SCTR: variants seen among roughly 807,000 people sequenced by gnomAD.
SCTR encodes secretin receptor.
Under a neutral mutation model 60.8 loss-of-function variants are expected in SCTR, and 56 were observed. The observed-to-expected ratio is 0.92, with a 90% CI of 0.74 to 1.15. SCTR has a LOEUF of 1.15. Among genes scored for constraint, SCTR ranks in the 50% most tolerant of loss-of-function variants. SCTR has a pLI of 0.00. For missense variants in SCTR, 562 were observed against 550.4 expected (o/e 1.02, Z -0.21); for synonymous variants, 202 against 217.0 (o/e 0.93, Z 0.61).
At chr2:119,520,184 A>T (rs1679246510) in intron 1 of SCTR, among the ~76,000 whole-genome samples, 1 of 152,114 alleles carries the variant, frequency 6.6e-6, no homozygotes, top group African/African-American at 2.4e-5. Flanking sequence ...ATCCCCAGTG[A>T]CCCTCTCTGA....
intron 2 of SCTR, 187 bp from the exon 3 acceptor site, chr2:119,479,105 T>C (rs1400003829): frequency 9.8e-6 from 14 of 1,421,988 alleles, no homozygotes; most frequent in African/African-American, 1.4e-5. Context: ...GACTCTGCCA[T>C]GTACACGGTA....
Position 119,441,567 on chromosome 2 carries a change from G to A in SCTR, c.1173C>T (p.Leu391=). The change falls in exon 12 of 13, where the codon CTC becomes CTT. Residue 391 remains leucine (L), a synonymous_variant. Transcript: ENST00000019103. ...GLVVAVLYCF[L]NGEVQLEVQK... is the part of the protein sequence containing the mutation. ...ACCCAAGACTACTCACCTCCCCATT[G>A]AGGAAGCAGTAGAGGACGGCCACCA... 6.2e-7 allele frequency: 1 copy of A among 1,612,890 alleles called. No homozygotes were observed.
At chr2:119,483,836 G>C (rs1440910392) in intron 2 of SCTR, among the ~76,000 whole-genome samples, 1 of 152,056 alleles carries the variant, frequency 6.6e-6, no homozygotes, top group African/African-American at 2.4e-5. Flanking sequence ...ATGTGGCTTG[G>C]GGGAGCTGGA....
intron 1 of SCTR, among the ~76,000 whole-genome samples, chr2:119,517,000 C>A (rs13413179): frequency 0.054 from 8,231 of 152,100 alleles, 344 homozygotes; most frequent in African/African-American, 0.1. Flanking sequence ...AACACTGTAT[C>A]GTACACTGGA....
chr2:119,465,943 G>T, intron 4 of SCTR, 57 bp from the exon 5 acceptor site: 1 of 1,236,748 alleles, frequency 8.1e-7, no homozygotes, highest in Non-Finnish European at 1.2e-6. Flanking sequence ...TCTGCCTTCT[G>T]TGCCTCACTG....
intron 1 of SCTR, among the ~76,000 whole-genome samples, chr2:119,517,054 C>A (rs1679137970): frequency 6.6e-6 from 1 of 152,120 alleles, no homozygotes; most frequent in Non-Finnish European, 1.5e-5. Flanking sequence ...ACCACACACA[C>A]ACACACATGC....
At chr2:119,501,478 G>C (rs190721599) in intron 1 of SCTR, among the ~76,000 whole-genome samples, 4 of 152,066 alleles carry the variant, frequency 2.6e-5, no homozygotes, top group Admixed American at 1.3e-4. Context: ...TGGGAAGGGT[G>C]GGGGAGGAAA....
At chr2:119,459,421 T>TA (rs201639502) in intron 7 of SCTR, among the ~76,000 whole-genome samples, 3 of 151,916 alleles carry the variant, frequency 2.0e-5, no homozygotes, top group African/African-American at 7.3e-5. Context: ...TTTTTCTACT[T>TA]AAAAAAATTT....
At chr2:119,503,642 G>A (rs1678632852) in intron 1 of SCTR, among the ~76,000 whole-genome samples, 1 of 152,098 alleles carries the variant, frequency 6.6e-6, no homozygotes, top group Non-Finnish European at 1.5e-5. Context: ...GAGGGAGAGT[G>A]GGCTAAGTTG....
At chr2:119,474,533 G>C (rs1049746117) in intron 3 of SCTR, among the ~76,000 whole-genome samples, 1 of 152,210 alleles carries the variant, frequency 6.6e-6, no homozygotes, top group Non-Finnish European at 1.5e-5. Context: ...AGTGTTGCAG[G>C]GGGCAGGATG....
rs569797852 is a variant in SCTR, at chr2:119,484,165, T to C, written c.194-5247A>G. Reference sequence around the variant, plus strand: ...ATAGGGGATGGGGGAGCTTTGTCAATAGGGCCACACTTACTGAGCCACGAG... The same window carrying C: ...ATAGGGGATGGGGGAGCTTTGTCAACAGGGCCACACTTACTGAGCCACGAG... On this transcript the variant is annotated intron_variant, in intron 2 of 12. Coordinates refer to ENST00000019103, the MANE Select transcript of SCTR (RefSeq NM_002980.3). 2.6e-5 allele frequency among the ~76,000 whole-genome samples: 4 copies of C among 152,054 alleles called. No individual in the cohort carries two copies. In the East Asian group the frequency reaches 7.7e-4, roughly 29 times the overall value.
chr2:119,442,977 G>T (rs181589683), intron 11 of SCTR, among the ~76,000 whole-genome samples: 1 of 152,268 alleles, frequency 6.6e-6, no homozygotes, highest in East Asian at 1.9e-4. Flanking sequence ...TCGGAGGCAG[G>T]TGGGAGGATC....
chr2:119,498,520 T>C (rs1678427981), intron 1 of SCTR, among the ~76,000 whole-genome samples: 2 of 152,102 alleles, frequency 1.3e-5, no homozygotes, highest in African/African-American at 4.8e-5. Flanking sequence ...AAGCAAAAAT[T>C]ACAACACTGT....
In SCTR at chr2:119,513,849, G is replaced by T. The variant is rs145025348; in HGVS notation, c.72+10306C>A. Among the ~76,000 whole-genome samples, 70 of 152,218 alleles carry T rather than the reference G, an allele frequency of 4.6e-4. 1 individual carries two copies. Among genetic ancestry groups the T allele is most frequent in the African/African-American group, 1.6e-3 (68 of 41,552 alleles). On this transcript the variant is annotated intron_variant, in intron 1 of 12. Transcript: ENST00000019103. ...AACTGAATCTTTTCTAGGGTCTTTTGCAGAACCATGGAACTGGTGCCCATC... is the reference window on the plus strand; with the variant it reads ...AACTGAATCTTTTCTAGGGTCTTTTTCAGAACCATGGAACTGGTGCCCATC...
intron 7 of SCTR, among the ~76,000 whole-genome samples, chr2:119,460,959 G>T (rs57261508): frequency 6.6e-6 from 1 of 152,070 alleles, no homozygotes; most frequent in Non-Finnish European, 1.5e-5. Context: ...GCTGGATGGA[G>T]TCTCTTTCTT....
At chr2:119,449,943 AAG>A (rs1162461455) in intron 9 of SCTR, among the ~76,000 whole-genome samples, 14 of 133,222 alleles carry the variant, frequency 1.1e-4, no homozygotes, top group Non-Finnish European at 6.3e-5. Context: ...AGACAAAAAA[AAG>A]AAGGAAGGAA....
At chr2:119,492,481 G>A (rs1310600656) in intron 2 of SCTR, among the ~76,000 whole-genome samples, 3 of 152,238 alleles carry the variant, frequency 2.0e-5, no homozygotes, top group Admixed American at 2.0e-4. Context: ...TTCAAGATCA[G>A]TCTGTCTAAT....
intron 1 of SCTR, among the ~76,000 whole-genome samples, chr2:119,522,701 T>G (rs759227779): frequency 6.6e-6 from 1 of 152,186 alleles, no homozygotes; most frequent in Admixed American, 6.5e-5. Context: ...TCAGAGTCAC[T>G]GCAAATACTT....
chr2:119,511,111 G>A (rs778284397), intron 1 of SCTR, among the ~76,000 whole-genome samples: 1 of 152,046 alleles, frequency 6.6e-6, no homozygotes, highest in Non-Finnish European at 1.5e-5. Flanking sequence ...GCTGAGGCAG[G>A]AGAATGGTGT....
Sources: allele counts gnomAD v4.1 joint callset (sites outside exome capture counted in the v4.1 genomes callset), GRCh38; gene constraint gnomAD v4.1.1; transcripts MANE v1.5; gene names NCBI Gene and HGNC (gene_info 2026-07-23, HGNC 2026-07-21).